The following TBX20 variants were observed in gnomAD, a reference collection of about 807,000 sequenced individuals.
TBX20 encodes the protein T-box transcription factor TBX20.
A neutral mutation model predicts 42.9 loss-of-function variants in TBX20; 8 were observed. That is an observed-to-expected ratio of 0.19 (90% CI 0.11 to 0.34). The LOEUF (loss-of-function observed/expected upper bound fraction) is 0.34, where lower values mean the gene tolerates loss of function less well. Among genes scored for constraint, TBX20 ranks in the 10% least tolerant of loss-of-function variants. The pLI is 1.00. For missense variants in TBX20, 411 were observed against 566.0 expected (o/e 0.73, Z 2.78); for synonymous variants, 198 against 222.8 (o/e 0.89, Z 0.99).
chr7:35,221,830 A>C (rs1433392633), intron 6 of TBX20, among the ~76,000 whole-genome samples: 1 of 152,208 alleles, frequency 6.6e-6, no homozygotes, highest in African/African-American at 2.4e-5. Flanking sequence ...AATTAAAAAT[A>C]ATTGTGGCCA....
At chr7:35,253,148 AC>A (rs770232740) in intron 1 of TBX20, among the ~76,000 whole-genome samples, 64 of 152,264 alleles carry the variant, frequency 4.2e-4, no homozygotes, top group Non-Finnish European at 8.5e-4. Flanking sequence ...AGCAGGTGTT[AC>A]ATGCACAGTA....
rs375484585 is a variant in TBX20 at position 35,202,464 on chromosome 7, C to A, written c.1310G>T (p.Arg437Leu). ...TGGCGTCATCACAGCAGAGGAATGG[C>A]GTAGTCCTTGAATGGCAGCATAGGG... ...QGPYAAIQGL[R>L]HSSAVMTPFV is the part of the protein sequence containing the mutation. The change falls in exon 8 of 8, where the codon CGC becomes CTC. Residue 437 changes from arginine (R) to leucine (L), a missense_variant. Arg to Leu is a moderately radical substitution (Grantham distance 102, BLOSUM62 -2). Around this residue, in one of 5 missense-constraint regions of TBX20, gnomAD observed 162 missense variants for 205.4 expected, o/e 0.79. Coordinates refer to ENST00000408931, the MANE Select transcript of TBX20 (RefSeq NM_001077653.2). 63 of 1,600,902 alleles carry A rather than the reference C, an allele frequency of 3.9e-5. No individual in the cohort carries two copies. In the South Asian group the frequency reaches 6.8e-4, roughly 17 times the overall value.
intron 7 of TBX20, among the ~76,000 whole-genome samples, chr7:35,203,409 C>A (rs1215341580): frequency 2.6e-5 from 4 of 152,014 alleles, no homozygotes; most frequent in African/African-American, 9.7e-5. Flanking sequence ...ACCTCCGAGA[C>A]AGCAAGACCA....
Position 35,250,143 on chromosome 7 carries a change from G to A in TBX20, c.188C>T (p.Ala63Val), listed in dbSNP as rs1790276578. The A allele has an allele frequency of 6.2e-7, 1 of 1,613,920 alleles. No individual in the cohort carries two copies. The highest frequency in any genetic ancestry group is 1.3e-5 in the African/African-American group (1 of 74,918). The stretch of plus-strand genomic sequence containing the variant: ...ACTGCCTCCACCAAACTCCCCATGA[G>A]CATCCAGGCTGGTCAGCTCACCCAG... ...QPLGELTSLD[A>V]HGEFGGGSGS... Residue 63 changes from alanine (A) to valine (V), a missense_variant, in exon 2 of 8, where the codon GCT becomes GTT. Transcript: ENST00000408931.
intron 6 of TBX20, among the ~76,000 whole-genome samples, chr7:35,208,790 C>CATCAATA (rs1362813024): frequency 1.1e-5 from 1 of 89,086 alleles, no homozygotes; most frequent in African/African-American, 4.6e-5. Context: ...AAAGAACAGA[C>CATCAATA]ATCAATAACT....
intron 6 of TBX20, among the ~76,000 whole-genome samples, chr7:35,217,601 A>G (rs1789611517): frequency 2.6e-5 from 4 of 152,202 alleles, no homozygotes; most frequent in Admixed American, 2.6e-4. Flanking sequence ...CTAACTAAAT[A>G]TTTTGTGGTG....
intron 3 of TBX20, 151 bp from the exon 4 acceptor site, chr7:35,245,208 A>C: frequency 1.6e-6 from 1 of 610,856 alleles, no homozygotes; most frequent in South Asian, 1.8e-5. Context: ...TACTATTGCA[A>C]TGTCAAAACA....
In TBX20 at chr7:35,202,615, G is replaced by A. The variant is rs777171222; in HGVS notation, c.1159C>T (p.Leu387=). Residue 387 remains leucine, a synonymous_variant, in exon 8 of 8, where the codon CTG becomes TTG. Coordinates refer to ENST00000408931, the MANE Select transcript of TBX20 (RefSeq NM_001077653.2). ...ATTCCCAGTCGGCTATATGGTGGCA[G>A]AGAACCCTGGATGGGGTGAGGAATG... ...TPIPHPIQGS[L]PPYSRLGMPL... 1.9e-6 allele frequency: 3 copies of A among 1,614,006 alleles called. No homozygotes were observed. Among genetic ancestry groups the A allele is most frequent in the Non-Finnish European group, 2.5e-6 (3 of 1,179,898 alleles).
At chr7:35,216,372 T>TGCATATCTTGA (rs1349123352) in intron 6 of TBX20, among the ~76,000 whole-genome samples, 1 of 152,204 alleles carries the variant, frequency 6.6e-6, no homozygotes, top group African/African-American at 2.4e-5. Flanking sequence ...TCTTGAACCC[T>TGCATATCTTGA]GCCCAGCTAC....
At chr7:35,214,009 C>T (rs1011047473) in intron 6 of TBX20, among the ~76,000 whole-genome samples, 1 of 150,920 alleles carries the variant, frequency 6.6e-6, no homozygotes, top group African/African-American at 2.4e-5. Context: ...GATAATAGTG[C>T]TATGGAAAAT....
chr7:35,223,221 G>C (rs1789713381), intron 6 of TBX20, among the ~76,000 whole-genome samples: 1 of 152,232 alleles, frequency 6.6e-6, no homozygotes, highest in African/African-American at 2.4e-5. Context: ...GCTATGATGG[G>C]AACAGTAAGG....
At chr7:35,226,413 A>AG (rs1179589988) in intron 6 of TBX20, among the ~76,000 whole-genome samples, 1 of 151,868 alleles carries the variant, frequency 6.6e-6, no homozygotes, top group East Asian at 1.9e-4. Context: ...CCAAAAAAAA[A>AG]AAAAAAAACC....
chr7:35,245,954 G>A (rs1390898693), intron 3 of TBX20, among the ~76,000 whole-genome samples: 2 of 152,056 alleles, frequency 1.3e-5, no homozygotes, highest in Non-Finnish European at 2.9e-5. Context: ...TGATTTAATA[G>A]GACAAATTCC....
chr7:35,218,825 G>C (rs1789632874), intron 6 of TBX20, among the ~76,000 whole-genome samples: 2 of 152,094 alleles, frequency 1.3e-5, no homozygotes, highest in South Asian at 2.1e-4. Flanking sequence ...AGGACTTTGG[G>C]AGATGACTAG....
At position 35,202,663 on chromosome 7, in the gene TBX20, T is replaced by C. The variant is rs763080628; in HGVS notation, c.1111A>G (p.Ser371Gly). Residue 371 changes from serine (S) to glycine (G), a missense_variant, in exon 8 of 8, where the codon AGC becomes GGC. Transcript: ENST00000408931. ...HPQSLTALGT[S>G]TASIATPIPH... Reference sequence around the variant, plus strand: ...ATGGGTGTTGCTATGGATGCTGTGCTGGTGCCAAGAGCAGTCAGGGACTGT... The same window carrying C: ...ATGGGTGTTGCTATGGATGCTGTGCCGGTGCCAAGAGCAGTCAGGGACTGT... 7.4e-6 allele frequency: 12 copies of C among 1,613,434 alleles called. No individual in the cohort carries two copies. The highest frequency in any genetic ancestry group is 3.3e-5 in the Admixed American group (2 of 59,942).
chr7:35,205,183 C>A (rs1188398915), intron 6 of TBX20, among the ~76,000 whole-genome samples: 1 of 151,942 alleles, frequency 6.6e-6, no homozygotes, highest in South Asian at 2.1e-4. Context: ...TTACAAAAAA[C>A]CCATGAAGAA....
intron 6 of TBX20, among the ~76,000 whole-genome samples, chr7:35,220,011 T>A (rs1169964053): frequency 6.6e-6 from 1 of 152,210 alleles, no homozygotes; most frequent in Non-Finnish European, 1.5e-5. Flanking sequence ...GCCTTTATAT[T>A]TAATTCCCTG....
At chr7:35,243,369 G>A (rs1790119207) in intron 4 of TBX20, among the ~76,000 whole-genome samples, 1 of 152,066 alleles carries the variant, frequency 6.6e-6, no homozygotes, top group Admixed American at 6.6e-5. Flanking sequence ...GGTATAATCA[G>A]GCTAGACCCT....
chr7:35,218,388 T>C (rs913384879), intron 6 of TBX20, among the ~76,000 whole-genome samples: 5 of 152,058 alleles, frequency 3.3e-5, no homozygotes, highest in African/African-American at 1.2e-4. Flanking sequence ...CGTGTGGCAC[T>C]GGGCAAGTCA....
Sources: gnomAD v4.1 joint callset for allele counts (sites outside exome capture counted in the v4.1 genomes callset) on GRCh38, gnomAD v4.1.1 for gene constraint, gnomAD v4.1.1 regional missense constraint, MANE v1.5 for transcripts, NCBI Gene and HGNC (gene_info 2026-07-23, HGNC 2026-07-21) for gene names.